Variants in MDN1 observed in about 807,000 individuals in gnomAD.
MDN1 encodes midasin.
In MDN1, 266 loss-of-function variants were observed where a neutral mutation model predicts 669.2. The ratio of observed to expected loss-of-function variants is 0.40; its 90% CI spans 0.36 to 0.44. MDN1 has a LOEUF of 0.44. MDN1 is among the 20% of genes least tolerant of loss of function. The pLI, the probability that MDN1 is intolerant of heterozygous loss-of-function variation, is 1.00. For missense variants in MDN1, 5,940 were observed against 6,754.0 expected (o/e 0.88, Z 4.22); for synonymous variants, 2,385 against 2,457.1 (o/e 0.97, Z 0.87).
intron 30 of MDN1, 134 bp from the exon 31 acceptor site, chr6:89,743,414 T>A: frequency 7.3e-7 from 1 of 1,368,504 alleles, no homozygotes; most frequent in Non-Finnish European, 1.0e-6. Context: ...GAGATAGAAC[T>A]TGCACACCAG....
chr6:89,650,151 G>T lies in MDN1; in HGVS notation c.16079C>A (p.Pro5360Gln). The T allele has an allele frequency of 6.2e-7, 1 of 1,614,104 alleles. No homozygotes were observed. Among genetic ancestry groups the T allele is most frequent in the South Asian group, 1.1e-5 (1 of 91,072 alleles). Residue 5360 changes from proline to glutamine, a missense_variant, in exon 97 of 102, where the codon CCA (proline) becomes CAA (glutamine). Physicochemically the swap from Pro to Gln is moderately conservative, Grantham distance 76. Coordinates refer to ENST00000369393, the MANE Select transcript of MDN1 (RefSeq NM_014611.3). ...GKRLNIRKVIPYIASQFRKDK... is the reference protein window; with the variant it reads ...GKRLNIRKVIQYIASQFRKDK... Reference sequence around the variant, plus strand: ...TTTCCGAAATTGACTAGCAATGTATGGAATGACTTTCCGTATGTTTAGTCG... The same window carrying T: ...TTTCCGAAATTGACTAGCAATGTATTGAATGACTTTCCGTATGTTTAGTCG...
intron 15 of MDN1, among the ~76,000 whole-genome samples, chr6:89,763,366 A>C (rs1272010857): frequency 6.7e-6 from 1 of 149,328 alleles, no homozygotes; most frequent in Non-Finnish European, 1.5e-5. Context: ...AATCTTAGCT[A>C]TTGCAATGGT....
chr6:89,672,620 G>A lies in MDN1; in HGVS notation c.13557C>T (p.Ile4519=). 11 of 1,614,066 alleles carry A rather than the reference G, an allele frequency of 6.8e-6. No individual in the cohort carries two copies. Among genetic ancestry groups the A allele is most frequent in the Non-Finnish European group, 9.3e-6 (11 of 1,180,024 alleles). The change falls in exon 81 of 102, where the codon ATC becomes ATT. Residue 4519 remains isoleucine, a synonymous_variant. Transcript: ENST00000369393. Reference sequence around the variant, plus strand: ...CATTCTTTCTTTCTTCTAAGTTCTGGATGGCACAGAGGATGGCTCGGATGG... The same window carrying A: ...CATTCTTTCTTTCTTCTAAGTTCTGAATGGCACAGAGGATGGCTCGGATGG... ...EIAIRAILCA[I]QNLEERKNEK...
chr6:89,663,611 A>G (rs1012003504), intron 85 of MDN1, among the ~76,000 whole-genome samples: 5 of 152,196 alleles, frequency 3.3e-5, no homozygotes, highest in Admixed American at 2.0e-4. Context: ...ATAATTTTTA[A>G]TGACAGGGAG....
chr6:89,708,462 G>A, intron 51 of MDN1, 34 bp downstream of exon 51: 1 of 1,609,530 alleles, frequency 6.2e-7, no homozygotes, highest in Non-Finnish European at 8.5e-7. Context: ...AGCCAGTGAG[G>A]CAAACAGTGC....
intron 1 of MDN1, among the ~76,000 whole-genome samples, chr6:89,806,662 G>A (rs998679527): frequency 4.6e-5 from 7 of 152,088 alleles, no homozygotes; most frequent in African/African-American, 1.4e-4. Flanking sequence ...AGGTTGCAGT[G>A]AACTGAGAAT....
intron 88 of MDN1, among the ~76,000 whole-genome samples, chr6:89,660,186 T>C (rs1809627825): frequency 6.6e-6 from 1 of 152,080 alleles, no homozygotes; most frequent in African/African-American, 2.4e-5. Context: ...CGCGCCTGGC[T>C]AATTTTTTAA....
intron 71 of MDN1, 35 bp from the exon 72 acceptor site, chr6:89,683,939 T>C (rs1464499859): frequency 1.4e-6 from 2 of 1,469,448 alleles, no homozygotes; most frequent in East Asian, 2.3e-5. Context: ...AATGGCTTTA[T>C]AAAGCTAGTG....
intron 43 of MDN1, among the ~76,000 whole-genome samples, chr6:89,717,605 T>C (rs1274986686): frequency 1.3e-5 from 2 of 152,212 alleles, no homozygotes; most frequent in Non-Finnish European, 2.9e-5. Context: ...GACACATGAC[T>C]GCATCGGATA....
intron 85 of MDN1, 79 bp downstream of exon 85, chr6:89,664,408 C>CTT: frequency 1.3e-6 from 2 of 1,552,104 alleles, no homozygotes; most frequent in South Asian, 2.3e-5. Context: ...TATTGGGTTC[C>CTT]TTATTAGGAA....
At chr6:89,734,796 G>A (rs1162339593) in intron 33 of MDN1, among the ~76,000 whole-genome samples, 1 of 151,200 alleles carries the variant, frequency 6.6e-6, no homozygotes, top group Non-Finnish European at 1.5e-5. Flanking sequence ...CATCTTTCTG[G>A]AGAGCAATCT....
intron 73 of MDN1, 32 bp downstream of exon 73, chr6:89,683,100 G>A (rs551913228): frequency 1.9e-6 from 3 of 1,605,922 alleles, no homozygotes; most frequent in East Asian, 4.5e-5. Context: ...ACTGGCTTGG[G>A]AATAAGCCAG....
intron 36 of MDN1, among the ~76,000 whole-genome samples, chr6:89,728,464 A>G (rs757687199): frequency 6.6e-6 from 1 of 152,240 alleles, no homozygotes; most frequent in Non-Finnish European, 1.5e-5. Context: ...TATAGGTGTC[A>G]GCAATTAACA....
Position 89,774,704 on chromosome 6 carries a change from T to C in MDN1, c.1851A>G (p.Pro617=), listed in dbSNP as rs1818267065. 1.9e-6 allele frequency: 3 copies of C among 1,613,554 alleles called. No homozygotes were observed. Among genetic ancestry groups the C allele is most frequent in the East Asian group, 2.2e-5 (1 of 44,850 alleles). ...AATCTAGCTCATTGATCACAATTTC[T>C]GGTTTATAAAGTTGACAAAAGAATT... ...KAEFFCQLYK[P]EIVINELDLQ... is the part of the protein sequence containing the mutation. Residue 617 remains proline (P), a synonymous_variant, in exon 13 of 102, where the codon CCA becomes CCG. Coordinates refer to ENST00000369393, the MANE Select transcript of MDN1 (RefSeq NM_014611.3).
chr6:89,707,385 T>C lies in MDN1; in HGVS notation c.7990A>G (p.Arg2664Gly), dbSNP rs1394212759. The change falls in exon 52 of 102, where the codon AGA becomes GGA. Residue 2664 changes from arginine (R) to glycine (G), a missense_variant. Transcript: ENST00000369393. ...GSKKLRESVL[R>G]MSFEFHQDPE... ...CCTTGATGGAATTCAAAGGACATTC[T>C]CAAAACACTCTCTCTTAGCTTTTTG... is the stretch of plus-strand genomic sequence containing the variant. 1 of 1,612,988 alleles carries C rather than the reference T, an allele frequency of 6.2e-7. No homozygotes were observed. Among genetic ancestry groups the C allele is most frequent in the African/African-American group, 1.3e-5 (1 of 74,892 alleles).
rs1459439030 is a variant in MDN1, at chr6:89,683,873, A to G, written c.11861T>C (p.Val3954Ala). 1 of 1,613,584 alleles carries G rather than the reference A, an allele frequency of 6.2e-7. No individual in the cohort carries two copies. The highest frequency in any genetic ancestry group is 8.5e-7 in the Non-Finnish European group (1 of 1,179,650). The change falls in exon 72 of 102, where the codon GTC (valine) becomes GCC (alanine). Residue 3954 changes from valine (V) to alanine (A), a missense_variant. Around this residue, in one of 5 missense-constraint regions of MDN1, gnomAD observed 2,280 missense variants for 2,576.3 expected, o/e 0.88. Coordinates refer to ENST00000369393, the MANE Select transcript of MDN1 (RefSeq NM_014611.3). Reference protein sequence around the residue: ...EFVKISKWNDVSFWSIKQSVE... With the variant: ...EFVKISKWNDASFWSIKQSVE... ...AGATTGCTTAATGGACCAGAAGCTGACATCATTCCACTTGGAAATCTTAAC... is the reference window on the plus strand; with the variant it reads ...AGATTGCTTAATGGACCAGAAGCTGGCATCATTCCACTTGGAAATCTTAAC...
At position 89,674,284 on chromosome 6, in the gene MDN1, A is replaced by G. The variant is rs773495752; in HGVS notation, c.13067T>C (p.Leu4356Pro). 3.1e-6 allele frequency: 5 copies of G among 1,614,240 alleles called. No individual in the cohort carries two copies. The highest frequency in any genetic ancestry group is 4.2e-6 in the Non-Finnish European group (5 of 1,180,024). Residue 4356 changes from leucine (L) to proline (P), a missense_variant, in exon 79 of 102, where the codon CTG (leucine) becomes CCG (proline). By Grantham distance (98) the Leu-to-Pro change is moderately conservative. Around this residue, in one of 5 missense-constraint regions of MDN1, gnomAD observed 2,280 missense variants for 2,576.3 expected, o/e 0.88. Transcript: ENST00000369393. The part of the protein sequence containing the change: ...GVVLDLIPSN[L>P]SYPSPIPGSQ... ...TCCAGGTATTGGAGATGGGTAGCTC[A>G]GATTGGAAGGAATTAGGTCCAGCAC...
chr6:89,721,963 A>G (rs1814857375), intron 40 of MDN1, among the ~76,000 whole-genome samples: 1 of 152,168 alleles, frequency 6.6e-6, no homozygotes, highest in South Asian at 2.1e-4. Flanking sequence ...CAAACAGTGA[A>G]GTTTACTAGA....
chr6:89,803,542 G>C lies in MDN1; in HGVS notation c.115C>G (p.Gln39Glu), dbSNP rs765893853. The C allele has an allele frequency of 5.0e-6, 8 of 1,611,984 alleles. No individual in the cohort carries two copies. Among genetic ancestry groups the C allele is most frequent in the Non-Finnish European group, 6.8e-6 (8 of 1,178,710 alleles). ...RFLAKQVWTPQDRQCVLSTLA... is the reference protein window; with the variant it reads ...RFLAKQVWTPEDRQCVLSTLA... ...GTACTCAGGACACACTGGCGATCTT[G>C]AGGTGTCCACACCTGAGAAAGGCAA... The change falls in exon 2 of 102, where the codon CAA becomes GAA. Residue 39 changes from glutamine (Q) to glutamate (E), a missense_variant. By Grantham distance (29) the Gln-to-Glu change is conservative. Around this residue, in one of 5 missense-constraint regions of MDN1, gnomAD observed 1,203 missense variants for 1,268.9 expected, o/e 0.95. Transcript: ENST00000369393.
Sources: gnomAD v4.1 joint callset for allele counts (sites outside exome capture counted in the v4.1 genomes callset) on GRCh38, gnomAD v4.1.1 for gene constraint, gnomAD v4.1.1 regional missense constraint, MANE v1.5 for transcripts, NCBI Gene and HGNC (gene_info 2026-07-23, HGNC 2026-07-21) for gene names.